Variants in SEMA6D observed in about 807,000 individuals in gnomAD.
SEMA6D encodes the protein semaphorin-6D.
Under a neutral mutation model 106.6 loss-of-function variants are expected in SEMA6D, and 35 were observed. That is an observed-to-expected ratio of 0.33 (90% CI 0.25 to 0.44). SEMA6D has a LOEUF of 0.44. Among genes scored for constraint, SEMA6D ranks in the 20% least tolerant of loss-of-function variants. The probability of loss-of-function intolerance (pLI) is 1.00; values close to 1 mark genes in which losing one functional copy is unlikely to be tolerated. For synonymous variants in SEMA6D, 499 were observed against 487.7 expected (o/e 1.02, Z -0.31); for missense variants, 1,185 against 1,345.9 (o/e 0.88, Z 1.87).
At chr15:47,658,175 TA>T (rs2077842401) in intron 4 of SEMA6D, among the ~76,000 whole-genome samples, 1 of 152,212 alleles carries the variant, frequency 6.6e-6, no homozygotes, top group Non-Finnish European at 1.5e-5. Context: ...TATTGACTTA[TA>T]AAAATAGTAA....
chr15:47,761,856 C>A, intron 7 of SEMA6D, 105 bp downstream of exon 7: 1 of 997,404 alleles, frequency 1.0e-6, no homozygotes, highest in Non-Finnish European at 1.5e-6. Context: ...CCACCTTGAT[C>A]TAAGTGTTCG....
chr15:47,477,011 A>T (rs539694069), intron 3 of SEMA6D, among the ~76,000 whole-genome samples: 1 of 152,326 alleles, frequency 6.6e-6, no homozygotes, highest in South Asian at 2.1e-4. Flanking sequence ...GATGAATCAG[A>T]AAACTGACAT....
chr15:47,404,254 G>T (rs536198663), intron 1 of SEMA6D, among the ~76,000 whole-genome samples: 1 of 152,324 alleles, frequency 6.6e-6, no homozygotes, highest in East Asian at 1.9e-4. Flanking sequence ...GAACCAAGAA[G>T]TGGAAGGGGT....
chr15:47,691,660 C>T (rs147839726), intron 4 of SEMA6D, among the ~76,000 whole-genome samples: 4 of 152,008 alleles, frequency 2.6e-5, no homozygotes, highest in Admixed American at 6.5e-5. Flanking sequence ...AAGTATTAGC[C>T]GTATCTTTTG....
rs1555431191 is a variant in SEMA6D, at chr15:47,772,347, T to TGTGTGCGTGC, written c.*567_*568insCGTGCGTGTG. ...TTTTTCATGCCACCAACAAACTTGT[T>TGTGTGCGTGC]GTGTGTGTGCGTGTGTGTGTGTGTG... On this transcript the variant is annotated 3_prime_UTR_variant, in exon 19 of 19. Transcript: ENST00000536845. The TGTGTGCGTGC allele has an allele frequency of 8.2e-6, 1 of 121,558 alleles. No homozygotes were observed. The highest frequency in any genetic ancestry group is 1.7e-5 in the Non-Finnish European group (1 of 57,348). 7.5% of individuals were successfully genotyped at this position (121,558 alleles called of 1,614,324 possible). A position where few individuals can be genotyped will look rare whatever the true frequency, so the allele number is the denominator to read the frequency against.
intron 1 of SEMA6D, among the ~76,000 whole-genome samples, chr15:47,320,834 T>C (rs940648583): frequency 4.6e-5 from 7 of 152,150 alleles, no homozygotes; most frequent in Non-Finnish European, 1.0e-4. Context: ...TGTATTCCTT[T>C]CCTAACTCTC....
At chr15:47,745,329 A>G (rs924749626) in intron 1 of SEMA6D, among the ~76,000 whole-genome samples, 1 of 152,190 alleles carries the variant, frequency 6.6e-6, no homozygotes, top group Non-Finnish European at 1.5e-5. Context: ...TCCTATCCCC[A>G]ACATACAGGG....
At chr15:47,339,043 A>T (rs2037695294) in intron 1 of SEMA6D, 1 of 152,180 alleles carries the variant, frequency 6.6e-6, no homozygotes, top group African/African-American at 2.4e-5. Flanking sequence ...TGCCTATGTA[A>T]TGCAGCCTTC....
At chr15:47,559,310 A>G (rs1208730351) in intron 3 of SEMA6D, among the ~76,000 whole-genome samples, 1 of 152,168 alleles carries the variant, frequency 6.6e-6, no homozygotes, top group African/African-American at 2.4e-5. Flanking sequence ...ATCATGAGAA[A>G]CAATCATTTA....
At chr15:47,396,458 C>A in intron 1 of SEMA6D, 1 of 153,048 alleles carries the variant, frequency 6.5e-6, no homozygotes, top group South Asian at 1.8e-4. Context: ...GTACAGCCTT[C>A]AGTCTGTGGC....
chr15:47,524,156 T>A (rs1301945100), intron 3 of SEMA6D, among the ~76,000 whole-genome samples: 1 of 152,214 alleles, frequency 6.6e-6, no homozygotes, highest in East Asian at 1.9e-4. Flanking sequence ...GTGACAGTTT[T>A]GTGCATTATG....
intron 1 of SEMA6D, among the ~76,000 whole-genome samples, chr15:47,380,948 TC>T (rs1280012391): frequency 6.6e-6 from 1 of 152,174 alleles, no homozygotes; most frequent in Non-Finnish European, 1.5e-5. Context: ...ATGACTCCAG[TC>T]TCTAGTGATG....
chr15:47,516,350 T>C (rs534381116), intron 3 of SEMA6D, among the ~76,000 whole-genome samples: 97 of 152,298 alleles, frequency 6.4e-4, no homozygotes, highest in Middle Eastern at 6.8e-3. Context: ...TGGAATGAAA[T>C]GGTGAATTCT....
chr15:47,475,220 A>G (rs2042969617), intron 3 of SEMA6D, among the ~76,000 whole-genome samples: 1 of 152,202 alleles, frequency 6.6e-6, no homozygotes, highest in Non-Finnish European at 1.5e-5. Flanking sequence ...TAATCATACC[A>G]ATAGCAATAT....
intron 4 of SEMA6D, among the ~76,000 whole-genome samples, chr15:47,627,349 A>G (rs565072925): frequency 6.6e-6 from 1 of 152,262 alleles, no homozygotes; most frequent in South Asian, 2.1e-4. Context: ...AATAAGCAAG[A>G]ATTATGGTGA....
chr15:47,506,131 CCT>C (rs1207259597), intron 3 of SEMA6D, among the ~76,000 whole-genome samples: 6 of 152,132 alleles, frequency 3.9e-5, no homozygotes, highest in Non-Finnish European at 7.3e-5. Flanking sequence ...CAGGGCCAGG[CCT>C]CTCAGAGAGT....
chr15:47,525,339 C>T (rs2044716119), intron 3 of SEMA6D: 1 of 152,186 alleles, frequency 6.6e-6, no homozygotes, highest in Admixed American at 6.5e-5. Flanking sequence ...ACTGCTTCAT[C>T]ATGAGACACC....
At chr15:47,486,726 C>T (rs1324081446) in intron 3 of SEMA6D, among the ~76,000 whole-genome samples, 2 of 152,184 alleles carry the variant, frequency 1.3e-5, no homozygotes, top group Non-Finnish European at 2.9e-5. Context: ...TGAGTACGTA[C>T]ATTTTTATAG....
chr15:47,689,756 A>T (rs2078545319), intron 4 of SEMA6D, among the ~76,000 whole-genome samples: 1 of 152,214 alleles, frequency 6.6e-6, no homozygotes. Context: ...TTCCTGTTTC[A>T]GAGCAAAGTT....
Sources: allele counts gnomAD v4.1 joint callset (sites outside exome capture counted in the v4.1 genomes callset), GRCh38; gene constraint gnomAD v4.1.1; transcripts MANE v1.5; gene names NCBI Gene and HGNC (gene_info 2026-07-23, HGNC 2026-07-21).